PRELID2: variants seen among roughly 807,000 people sequenced by gnomAD.
PRELID2 encodes the protein PRELI domain containing 2, also known as PRELI domain-containing protein 2.
A neutral mutation model predicts 28.4 loss-of-function variants in PRELID2; 25 were observed. That is an observed-to-expected ratio of 0.88 (90% CI 0.64 to 1.23). The LOEUF (loss-of-function observed/expected upper bound fraction) is 1.23, where lower values mean the gene tolerates loss of function less well. Among genes scored for constraint, PRELID2 ranks in the 50% most tolerant of loss-of-function variants. The pLI is 0.00. For synonymous variants in PRELID2, 76 were observed against 71.6 expected (o/e 1.06, Z -0.31); for missense variants, 201 against 214.4 (o/e 0.94, Z 0.39).
rs112520811 is a variant in PRELID2 at position 145,632,196 on chromosome 5, T to C, written n.70+132735A>G. On this transcript the variant is annotated intron_variant and non_coding_transcript_variant, in intron 1 of 2. Coordinates refer to the PRELID2 transcript ENST00000510259. ...TCTCCCATCCTTAGGTAAACAAGCC[T>C]CGGAGGTCTATGTTTCTCTCTTTCT... Among the ~76,000 whole-genome samples the C allele has an allele frequency of 8.2e-3, 1,250 of 152,282 alleles. 28 individuals carry two copies. The highest frequency in any genetic ancestry group is 0.029 in the African/African-American group (1,199 of 41,562).
intron 1 of PRELID2, among the ~76,000 whole-genome samples, chr5:145,602,357 C>T (rs1753410627): frequency 6.6e-6 from 1 of 152,146 alleles, no homozygotes; most frequent in Non-Finnish European, 1.5e-5. Context: ...AAATAAAAAT[C>T]TGCATTGGAC....
intron 1 of PRELID2, among the ~76,000 whole-genome samples, chr5:145,715,138 G>A (rs912518150): frequency 1.3e-5 from 2 of 152,034 alleles, no homozygotes; most frequent in Non-Finnish European, 2.9e-5. Context: ...TTGTACTTCT[G>A]ATAGAAATGT....
chr5:145,347,022 G>A, the PRELID2 span, among the ~76,000 whole-genome samples: 2 of 152,150 alleles, frequency 1.3e-5, no homozygotes, highest in Non-Finnish European at 1.5e-5. Context: ...TAGTGTTAAA[G>A]CTTCTATGTG....
intron 1 of PRELID2, among the ~76,000 whole-genome samples, chr5:145,633,036 G>A (rs1336569372): frequency 6.6e-6 from 1 of 152,150 alleles, no homozygotes; most frequent in African/African-American, 2.4e-5. Flanking sequence ...CATCAAGAAA[G>A]CAGAGACCTC....
intron 1 of PRELID2, among the ~76,000 whole-genome samples, chr5:145,736,577 T>G (rs142808222): frequency 3.3e-5 from 5 of 152,336 alleles, no homozygotes; most frequent in Admixed American, 1.3e-4. Context: ...CCAGAATACA[T>G]GCTAACTGAA....
chr5:145,432,642 C>CG, the PRELID2 span, among the ~76,000 whole-genome samples: 4 of 151,668 alleles, frequency 2.6e-5, no homozygotes, highest in East Asian at 3.9e-4. Flanking sequence ...GGGGAGATGG[C>CG]GGGGGGCACT....
At chr5:145,459,845 T>C in the PRELID2 span, among the ~76,000 whole-genome samples, 43 of 151,724 alleles carry the variant, frequency 2.8e-4, no homozygotes, top group African/African-American at 1.0e-3. Context: ...AGTCTTTCTC[T>C]GTCGCCCAGG....
At chr5:145,734,238 C>T (rs556356693) in intron 1 of PRELID2, among the ~76,000 whole-genome samples, 1 of 152,300 alleles carries the variant, frequency 6.6e-6, no homozygotes, top group African/African-American at 2.4e-5. Flanking sequence ...ACCTCAGCCT[C>T]CTGAGTAGCT....
At chr5:145,274,981 T>A in the PRELID2 span, among the ~76,000 whole-genome samples, 1 of 152,136 alleles carries the variant, frequency 6.6e-6, no homozygotes, top group Non-Finnish European at 1.5e-5. Flanking sequence ...CTTTTCACTA[T>A]GTCCTCACTC....
At position 145,757,472 on chromosome 5, in the gene PRELID2, C is replaced by T. The variant is rs1447895795; in HGVS notation, c.*3064G>A. 6.6e-6 allele frequency among the ~76,000 whole-genome samples: 1 copy of T among 152,156 alleles called. No homozygotes were observed. The highest frequency in any genetic ancestry group is 1.5e-5 in the Non-Finnish European group (1 of 68,038). On this transcript the variant is annotated 3_prime_UTR_variant, in exon 7 of 7. Transcript: ENST00000683046. ...GAAGTCTGAGAATCACAGGGTAAAT[C>T]ATCGCCTTGAAGACAGGAGGAGACT...
At chr5:145,594,908 G>A (rs564546286) in intron 1 of PRELID2, among the ~76,000 whole-genome samples, 15 of 152,004 alleles carry the variant, frequency 9.9e-5, no homozygotes, top group African/African-American at 3.6e-4. Flanking sequence ...TGGGCAGATC[G>A]CTTGAGGTCA....
rs965762986 is a variant in PRELID2, at chr5:145,597,444, G to T, written n.71-124129C>A. On this transcript the variant is annotated intron_variant and non_coding_transcript_variant, in intron 1 of 2. Transcript: ENST00000510259. Reference sequence around the variant, plus strand: ...ATCCATTGGCATGAATTCTGACAGGGGTATCAAAGCATTTCACAGAGTAGA... The same window carrying T: ...ATCCATTGGCATGAATTCTGACAGGTGTATCAAAGCATTTCACAGAGTAGA... Among the ~76,000 whole-genome samples the T allele has an allele frequency of 2.6e-5, 4 of 152,074 alleles. No individual in the cohort carries two copies. In the South Asian group the frequency reaches 8.3e-4, roughly 32 times the overall value.
chr5:145,503,993 T>C (rs1448603811), intron 1 of PRELID2, among the ~76,000 whole-genome samples: 1 of 152,150 alleles, frequency 6.6e-6, no homozygotes, highest in African/African-American at 2.4e-5. Context: ...AAGTTCTTAT[T>C]CCCATATGTA....
At chr5:145,325,388 A>G in the PRELID2 span, among the ~76,000 whole-genome samples, 1 of 152,226 alleles carries the variant, frequency 6.6e-6, no homozygotes, top group Non-Finnish European at 1.5e-5. Context: ...GAGGCATGAA[A>G]GAATCCTGAG....
At chr5:145,702,127 C>T (rs1755423152) in intron 1 of PRELID2, among the ~76,000 whole-genome samples, 2 of 151,926 alleles carry the variant, frequency 1.3e-5, no homozygotes, top group Admixed American at 1.3e-4. Flanking sequence ...TTGATTTATA[C>T]ATTAGCGTAT....
chr5:145,244,166 G>A, the PRELID2 span, among the ~76,000 whole-genome samples: 1 of 152,052 alleles, frequency 6.6e-6, no homozygotes, highest in Non-Finnish European at 1.5e-5. Flanking sequence ...TGTTGGCCAG[G>A]CTGGTCTTGA....
At chr5:145,336,663 G>A in the PRELID2 span, among the ~76,000 whole-genome samples, 1 of 151,968 alleles carries the variant, frequency 6.6e-6, no homozygotes, top group Non-Finnish European at 1.5e-5. Flanking sequence ...ACATGCACAC[G>A]TATGTTTATT....
chr5:145,778,179 G>T (rs1233666533), intron 5 of PRELID2, among the ~76,000 whole-genome samples: 3 of 152,156 alleles, frequency 2.0e-5, no homozygotes, highest in Non-Finnish European at 4.4e-5. Context: ...CAGATGTTGG[G>T]ACAACCAGCC....
chr5:145,243,365 G>T, the PRELID2 span, among the ~76,000 whole-genome samples: 1 of 151,914 alleles, frequency 6.6e-6, no homozygotes, highest in African/African-American at 2.4e-5. Context: ...ATTTATGAAG[G>T]TATAGTCAGG....
Sources: gnomAD v4.1 joint callset for allele counts (sites outside exome capture counted in the v4.1 genomes callset) on GRCh38, gnomAD v4.1.1 for gene constraint, MANE v1.5 for transcripts, NCBI Gene and HGNC (gene_info 2026-07-23, HGNC 2026-07-21) for gene names.